The following OTOGL variants were observed in gnomAD, a reference collection of about 807,000 sequenced individuals.
The protein encoded by OTOGL is otogelin like.
In OTOGL, 285 loss-of-function variants were observed where a neutral mutation model predicts 318.5. The ratio of observed to expected loss-of-function variants is 0.89; its 90% CI spans 0.81 to 0.99. The LOEUF (loss-of-function observed/expected upper bound fraction) is 0.99. Ranked by LOEUF, OTOGL falls within the 50% of genes least tolerant of loss-of-function variation. OTOGL has a pLI of 0.00. For synonymous variants in OTOGL, 987 were observed against 936.5 expected (o/e 1.05, Z -0.99); for missense variants, 2,899 against 2,845.6 (o/e 1.02, Z -0.43).
chr12:80,318,618 GC>G lies in OTOGL; in HGVS notation c.3708del (p.Ser1236ArgfsTer21). On this transcript the variant is annotated frameshift_variant, in exon 33 of 59. Transcript: ENST00000547103. LOFTEE classifies it high-confidence loss of function. ...SGLVLGANMT[S>X]RSVFCLPRSS... ...CTTGTTCTGGGGGCCAATATGACCA[GC>G]AGAAGCGTTTTCTGTTTGCCGAGAA... 1 of 1,472,552 alleles carries G rather than the reference GC, an allele frequency of 6.8e-7. No individual in the cohort carries two copies. Among genetic ancestry groups the G allele is most frequent in the Non-Finnish European group, 9.0e-7 (1 of 1,110,676 alleles). 91.2% of individuals were successfully genotyped at this position (1,472,552 alleles called of 1,614,324 possible).
At position 80,371,938 on chromosome 12, in the gene OTOGL, A is replaced by G. The variant is rs192293884; in HGVS notation, c.6736-81A>G. On this transcript the variant is annotated intron_variant, in intron 56 of 58. Coordinates refer to ENST00000547103, the MANE Select transcript of OTOGL (RefSeq NM_001378609.3). ...GTGGTATTTGATAAAAGTTTTAGAA[A>G]AGTTAGTTTTCTTTTTCTAGTACAA... 1,607 of 869,230 alleles carry G rather than the reference A, an allele frequency of 1.8e-3. 7 individuals carry two copies. Among genetic ancestry groups the G allele is most frequent in the Non-Finnish European group, 1.1e-3 (664 of 600,490 alleles). 53.8% of individuals were successfully genotyped at this position (869,230 alleles called of 1,614,324 possible).
At chr12:80,263,431 A>C (rs1341484166) in intron 19 of OTOGL, among the ~76,000 whole-genome samples, 1 of 152,012 alleles carries the variant, frequency 6.6e-6, no homozygotes, top group Non-Finnish European at 1.5e-5. Context: ...CTCCTTTATT[A>C]TATGCTATTT....
chr12:80,148,602 C>T (rs1331825787), intron 1 of OTOGL, among the ~76,000 whole-genome samples: 1 of 151,832 alleles, frequency 6.6e-6, no homozygotes, highest in Non-Finnish European at 1.5e-5. Flanking sequence ...TGTTGGCCTG[C>T]CTTGCTAGAT....
chr12:80,373,929 C>A (rs1224585916), intron 57 of OTOGL, among the ~76,000 whole-genome samples: 1 of 152,042 alleles, frequency 6.6e-6, no homozygotes, highest in Admixed American at 6.6e-5. Flanking sequence ...GCTGAAGTGG[C>A]AGGGCTAGAA....
intron 1 of OTOGL, among the ~76,000 whole-genome samples, chr12:80,188,071 A>T (rs999750485): frequency 1.3e-5 from 2 of 152,114 alleles, no homozygotes; most frequent in African/African-American, 4.8e-5. Flanking sequence ...GAGGGTTGAG[A>T]TTTCTTTTTA....
intron 1 of OTOGL, among the ~76,000 whole-genome samples, chr12:80,148,245 T>C (rs10778716): frequency 0.39 from 52,991 of 136,260 alleles, 10,922 homozygotes; most frequent in East Asian, 0.46. Flanking sequence ...GTAGGGCAGG[T>C]CCGGTGGTGA....
At chr12:80,352,220 A>T in intron 44 of OTOGL, 75 bp from the exon 45 acceptor site, 1 of 1,331,002 alleles carries the variant, frequency 7.5e-7, no homozygotes, top group Non-Finnish European at 1.0e-6. Context: ...GATTCTCCAA[A>T]TAATCTTAGT....
intron 26 of OTOGL, among the ~76,000 whole-genome samples, chr12:80,284,666 A>G (rs1434857144): frequency 6.6e-6 from 1 of 152,118 alleles, no homozygotes; most frequent in East Asian, 1.9e-4. Flanking sequence ...TGTTGGCTGT[A>G]TAAATGTCTT....
intron 40 of OTOGL, 65 bp downstream of exon 40, chr12:80,336,620 T>G (rs1888425384): frequency 2.0e-6 from 3 of 1,511,124 alleles, no homozygotes; most frequent in African/African-American, 1.4e-5. Flanking sequence ...TATTGCAACA[T>G]CAGGGATTCT....
chr12:80,156,763 TAA>T (rs959802965), intron 1 of OTOGL, among the ~76,000 whole-genome samples: 11 of 152,142 alleles, frequency 7.2e-5, no homozygotes, highest in African/African-American at 2.7e-4. Flanking sequence ...GTGGAACTGT[TAA>T]GTCCAATAAA....
At chr12:80,221,011 A>G (rs757322888) in intron 6 of OTOGL, among the ~76,000 whole-genome samples, 64 of 152,182 alleles carry the variant, frequency 4.2e-4, no homozygotes, top group Non-Finnish European at 6.9e-4. Flanking sequence ...AGATGTAAAG[A>G]GTCACCCTTA....
At position 80,108,936 on chromosome 12, in the gene OTOGL, G is replaced by GTATATATATA. The variant is rs199972356; in HGVS notation, c.-20+9340_-20+9349dup. Among the ~76,000 whole-genome samples the GTATATATATA allele has an allele frequency of 2.8e-4, 36 of 128,228 alleles. 1 individual carries two copies. The highest frequency in any genetic ancestry group is 4.0e-3 in the Middle Eastern group (1 of 248). The allele number at this position is 128,228 out of a possible 152,430, so 84.1% of individuals were successfully genotyped here. A position where few individuals can be genotyped will look rare whatever the true frequency, so the allele number is the denominator to read the frequency against. On this transcript the variant is annotated intron_variant, in intron 1 of 58. Transcript: ENST00000547103. ...TATATGTGTATATATATATGTGTGT[G>GTATATATATA]TATATATATATATATATACACACAC... is the stretch of plus-strand genomic sequence containing the variant.
At chr12:80,190,419 A>T (rs1415069726) in intron 1 of OTOGL, among the ~76,000 whole-genome samples, 1 of 152,212 alleles carries the variant, frequency 6.6e-6, no homozygotes, top group African/African-American at 2.4e-5. Flanking sequence ...ACTGTTTGCC[A>T]TTTGGGAAGA....
intron 1 of OTOGL, among the ~76,000 whole-genome samples, chr12:80,194,451 G>A (rs987111012): frequency 3.9e-5 from 6 of 152,044 alleles, no homozygotes; most frequent in Non-Finnish European, 8.8e-5. Flanking sequence ...TCACCCAACA[G>A]AATCACCATA....
intron 11 of OTOGL, among the ~76,000 whole-genome samples, chr12:80,244,416 C>G (rs1476985314): frequency 1.4e-5 from 2 of 147,808 alleles, no homozygotes; most frequent in Non-Finnish European, 3.0e-5. Flanking sequence ...TGAGAATATG[C>G]CGTGTTTGGT....
chr12:80,149,579 G>A lies in OTOGL; in HGVS notation c.-20+49974G>A, dbSNP rs371879552. Among the ~76,000 whole-genome samples the A allele has an allele frequency of 2.4e-4, 36 of 152,272 alleles. No homozygotes were observed. The East Asian group carries it at 3.7e-3, about 16-fold the overall frequency. Reference sequence around the variant, plus strand: ...TACAGAGGCAGGCAGGCCTCCTTGAGCTGTGGTGGGCTCCACCCAGTTCGA... The same window carrying A: ...TACAGAGGCAGGCAGGCCTCCTTGAACTGTGGTGGGCTCCACCCAGTTCGA... On this transcript the variant is annotated intron_variant, in intron 1 of 58. Transcript: ENST00000547103.
chr12:80,316,110 C>A (rs549622669), intron 32 of OTOGL, among the ~76,000 whole-genome samples: 2 of 152,226 alleles, frequency 1.3e-5, no homozygotes, highest in African/African-American at 4.8e-5. Context: ...ATAGCTTTGC[C>A]AAATTCACTT....
intron 24 of OTOGL, 149 bp downstream of exon 24, chr12:80,271,959 G>C (rs1883445814): frequency 1.1e-6 from 1 of 898,436 alleles, no homozygotes; most frequent in Non-Finnish European, 1.6e-6. Context: ...TGATTGTTTT[G>C]CTTGGCTCAT....
intron 4 of OTOGL, among the ~76,000 whole-genome samples, chr12:80,215,239 T>G (rs1877604202): frequency 6.7e-6 from 1 of 150,370 alleles, no homozygotes; most frequent in Non-Finnish European, 1.5e-5. Context: ...TGATCTCCGC[T>G]CACTGCAACC....
Sources: allele counts gnomAD v4.1 joint callset (sites outside exome capture counted in the v4.1 genomes callset), GRCh38; gene constraint gnomAD v4.1.1; transcripts MANE v1.5; gene names NCBI Gene and HGNC (gene_info 2026-07-23, HGNC 2026-07-21).